SH3BGR: variants seen among roughly 807,000 people sequenced by gnomAD.
SH3BGR encodes SH3 domain binding glutamate rich protein, also known as SH3 domain-binding glutamic acid-rich protein.
In SH3BGR, 29 loss-of-function variants were observed where a neutral mutation model predicts 24.5. The observed-to-expected ratio is 1.18, with a 90% confidence interval of 0.88 to 1.61. The LOEUF (loss-of-function observed/expected upper bound fraction) is 1.61. Among genes scored for constraint, SH3BGR ranks in the 40% most tolerant of loss-of-function variants. The pLI, the probability that SH3BGR is intolerant of heterozygous loss-of-function variation, is 0.00. For missense variants in SH3BGR, 162 were observed against 205.8 expected (o/e 0.79, Z 1.30); for synonymous variants, 55 against 65.7 (o/e 0.84, Z 0.79).
intron 3 of SH3BGR, among the ~76,000 whole-genome samples, chr21:39,496,362 C>T (rs968370298): frequency 7.4e-4 from 112 of 151,632 alleles, no homozygotes; most frequent in African/African-American, 2.4e-3. Flanking sequence ...TAGCCGGGTG[C>T]GGTGGCGGGC....
rs754933619 is a variant in SH3BGR at position 39,452,010 on chromosome 21, G to A, written c.-87G>A. Reference sequence around the variant, plus strand: ...TGCTGCCAGCCCCGACCTGGCACTTGCTTGCCTGTGTCACTGTCAGGATTT... The same window carrying A: ...TGCTGCCAGCCCCGACCTGGCACTTACTTGCCTGTGTCACTGTCAGGATTT... On this transcript the variant is annotated 5_prime_UTR_variant, in exon 1 of 7. Coordinates refer to ENST00000333634, the MANE Select transcript of SH3BGR (RefSeq NM_007341.3). 9.3e-6 allele frequency: 15 copies of A among 1,614,190 alleles called. No homozygotes were observed. The highest frequency in any genetic ancestry group is 1.1e-5 in the Non-Finnish European group (13 of 1,180,028).
At chr21:39,488,581 A>G in intron 3 of SH3BGR, 1 of 277,192 alleles carries the variant, frequency 3.6e-6, no homozygotes, top group Non-Finnish European at 6.9e-6. Flanking sequence ...TAGGGTGCCT[A>G]GTTTTAGGAT....
chr21:39,494,740 C>T (rs1203449579), intron 3 of SH3BGR, among the ~76,000 whole-genome samples: 2 of 151,846 alleles, frequency 1.3e-5, no homozygotes, highest in Non-Finnish European at 2.9e-5. Flanking sequence ...GAATCTATAT[C>T]ATTTACCAAA....
intron 3 of SH3BGR, among the ~76,000 whole-genome samples, chr21:39,492,150 G>T (rs898952445): frequency 6.6e-6 from 1 of 151,982 alleles, no homozygotes; most frequent in African/African-American, 2.4e-5. Flanking sequence ...TTCTTTAGCG[G>T]TGATTTGTGA....
At chr21:39,448,371 T>C (rs1247994171), upstream of SH3BGR, among the ~76,000 whole-genome samples, 4 of 152,226 alleles carry the variant, frequency 2.6e-5, no homozygotes, top group African/African-American at 7.2e-5. Flanking sequence ...TGTAAAGTTA[T>C]GTAAATCAAA....
chr21:39,457,496 T>C (rs1456977148), intron 1 of SH3BGR, among the ~76,000 whole-genome samples: 1 of 145,772 alleles, frequency 6.9e-6, no homozygotes, highest in Non-Finnish European at 1.5e-5. Flanking sequence ...AAATCTTATA[T>C]ATATGATTAT....
chr21:39,447,087 C>T (rs554823283), upstream of SH3BGR: 3 of 152,052 alleles, frequency 2.0e-5, no homozygotes, highest in East Asian at 1.9e-4. Context: ...GGGAATTATC[C>T]GTATAAGATG....
At chr21:39,457,257 ATTG>A (rs901225379) in intron 1 of SH3BGR, among the ~76,000 whole-genome samples, 3 of 132,092 alleles carry the variant, frequency 2.3e-5, no homozygotes, top group South Asian at 2.4e-4. Context: ...ATTATATTAT[ATTG>A]TTATATATAA....
chr21:39,507,728 C>T (rs111540002), intron 4 of SH3BGR, among the ~76,000 whole-genome samples: 13,078 of 152,208 alleles, frequency 0.086, 822 homozygotes, highest in African/African-American at 0.17. Flanking sequence ...TCACAGCAGC[C>T]TCAAACTCCT....
At chr21:39,464,203 G>T (rs1029694199) in intron 2 of SH3BGR, among the ~76,000 whole-genome samples, 1 of 152,072 alleles carries the variant, frequency 6.6e-6, no homozygotes, top group African/African-American at 2.4e-5. Context: ...CAACTACAAA[G>T]ATCCTATTTC....
At chr21:39,508,892 C>T (rs1395221251) in intron 4 of SH3BGR, 106 bp from the exon 5 acceptor site, 5 of 777,032 alleles carry the variant, frequency 6.4e-6, no homozygotes, top group African/African-American at 5.3e-5. Flanking sequence ...ATGTGTTGTT[C>T]ATTTTGATTA....
chr21:39,469,885 A>C (rs1308807233), intron 2 of SH3BGR, among the ~76,000 whole-genome samples: 3 of 152,000 alleles, frequency 2.0e-5, no homozygotes, highest in Admixed American at 2.0e-4. Flanking sequence ...TGGACTCCTG[A>C]CCTCAGGTGA....
chr21:39,501,077 A>G (rs973351163), intron 4 of SH3BGR, among the ~76,000 whole-genome samples: 1 of 152,252 alleles, frequency 6.6e-6, no homozygotes, highest in Non-Finnish European at 1.5e-5. Context: ...TAAAAATTAA[A>G]TATAGTGACC....
At chr21:39,466,736 C>T (rs2077849890) in intron 2 of SH3BGR, among the ~76,000 whole-genome samples, 1 of 152,218 alleles carries the variant, frequency 6.6e-6, no homozygotes, top group African/African-American at 2.4e-5. Context: ...GAGGGAACCA[C>T]TCCCATAATT....
chr21:39,513,251 C>T (rs950832550), intron 6 of SH3BGR, among the ~76,000 whole-genome samples: 1 of 152,102 alleles, frequency 6.6e-6, no homozygotes, highest in African/African-American at 2.4e-5. Context: ...TCACCATGTT[C>T]CCCAGGCAGG....
upstream of SH3BGR, chr21:39,451,709 G>A (rs1318784456): frequency 1.8e-5 from 12 of 664,170 alleles, no homozygotes; most frequent in South Asian, 1.4e-4. Flanking sequence ...CTCTGTTACC[G>A]GGGCCCCACC....
In SH3BGR at chr21:39,515,155, C is replaced by T; in HGVS notation, c.*102C>T. Reference sequence around the variant, plus strand: ...AACCAAACTCAACAGAATACTTTGGCTTGAAGCCGGCACACCCAGGGTTAC... The same window carrying T: ...AACCAAACTCAACAGAATACTTTGGTTTGAAGCCGGCACACCCAGGGTTAC... On this transcript the variant is annotated 3_prime_UTR_variant, in exon 7 of 7. Coordinates refer to ENST00000333634, the MANE Select transcript of SH3BGR (RefSeq NM_007341.3). 2.1e-6 allele frequency: 1 copy of T among 469,666 alleles called. No homozygotes were observed. Among genetic ancestry groups the T allele is most frequent in the Non-Finnish European group, 4.4e-6 (1 of 226,302 alleles). 29.1% of individuals were successfully genotyped at this position (469,666 alleles called of 1,614,324 possible).
intron 3 of SH3BGR, chr21:39,488,251 C>A (rs2078242184): frequency 6.4e-6 from 1 of 156,628 alleles, no homozygotes; most frequent in African/African-American, 2.4e-5. Context: ...TCCTTTATGA[C>A]AGGCTTCTGA....
At chr21:39,487,981 T>C (rs1476840295) in intron 3 of SH3BGR, among the ~76,000 whole-genome samples, 1 of 152,176 alleles carries the variant, frequency 6.6e-6, no homozygotes, top group Non-Finnish European at 1.5e-5. Context: ...GAGCACAAAA[T>C]TCATTCAAAA....
Sources: allele counts gnomAD v4.1 joint callset (sites outside exome capture counted in the v4.1 genomes callset), GRCh38; gene constraint gnomAD v4.1.1; transcripts MANE v1.5; gene names NCBI Gene and HGNC (gene_info 2026-07-23, HGNC 2026-07-21).